KDM3A: variants seen among roughly 807,000 people sequenced by gnomAD.
KDM3A encodes lysine-specific demethylase 3A.
Under a neutral mutation model 158.0 loss-of-function variants are expected in KDM3A, and 60 were observed. The observed-to-expected ratio is 0.38, with a 90% CI of 0.31 to 0.47. The LOEUF (loss-of-function observed/expected upper bound fraction) is 0.47. Ranked by LOEUF, KDM3A falls within the 20% of genes least tolerant of loss-of-function variation. The pLI is 0.99. For synonymous variants in KDM3A, 608 were observed against 549.3 expected, an observed-to-expected ratio of 1.11 and a Z score of -1.49; for missense variants, 1,319 against 1,574.3, an observed-to-expected ratio of 0.84 and a Z score of 2.74.
At chr2:86,456,338 G>A in intron 5 of KDM3A, 104 bp from the exon 6 acceptor site, 1 of 783,576 alleles carries the variant, frequency 1.3e-6, no homozygotes, top group Non-Finnish European at 1.9e-6. Flanking sequence ...GTTTACTTTT[G>A]CGTTTTTTTA....
At chr2:86,479,909 A>G in intron 15 of KDM3A, 1 of 485,514 alleles carries the variant, frequency 2.1e-6, no homozygotes, top group Non-Finnish European at 3.7e-6. Flanking sequence ...TAATAGGGAT[A>G]TGTACCAGCA....
At chr2:86,478,554 G>A (rs750176557) in intron 14 of KDM3A, 54 bp from the exon 15 acceptor site, 12 of 1,593,004 alleles carry the variant, frequency 7.5e-6, no homozygotes, top group Non-Finnish European at 1.0e-5. Flanking sequence ...GTAATGTTGA[G>A]GTTGAAAGTT....
At chr2:86,470,824 A>G (rs1673366868) in intron 11 of KDM3A, among the ~76,000 whole-genome samples, 1 of 152,230 alleles carries the variant, frequency 6.6e-6, no homozygotes, top group Non-Finnish European at 1.5e-5. Context: ...CCTCTTGATC[A>G]TAACCTTTTT....
chr2:86,441,415 C>A lies in KDM3A; in HGVS notation c.-60C>A, dbSNP rs1162353883. 1 of 152,340 alleles carries A rather than the reference C, an allele frequency of 6.6e-6. No homozygotes were observed. Among genetic ancestry groups the A allele is most frequent in the South Asian group, 2.1e-4 (1 of 4,834 alleles). The allele number at this position is 152,340 out of a possible 1,614,324, so 9.4% of individuals were successfully genotyped here. On this transcript the variant is annotated 5_prime_UTR_variant, in exon 1 of 26. Transcript: ENST00000312912. The stretch of plus-strand genomic sequence containing the variant: ...CTAGGCGGCTGGAAACGGCGGCTGC[C>A]GCCGGTGACTCAGGGAGGCGGGAGG...
chr2:86,461,911 G>T (rs1672947241), intron 8 of KDM3A, among the ~76,000 whole-genome samples: 1 of 152,120 alleles, frequency 6.6e-6, no homozygotes, highest in African/African-American at 2.4e-5. Flanking sequence ...GGGGGAGGAG[G>T]AGCAGGAGTG....
intron 18 of KDM3A, 63 bp downstream of exon 18, chr2:86,482,757 C>A: frequency 2.7e-6 from 4 of 1,489,366 alleles, no homozygotes; most frequent in Non-Finnish European, 3.7e-6. Flanking sequence ...CTTTAGCAGA[C>A]TTCTGACAAC....
rs553179654 is a variant in KDM3A at position 86,451,253 on chromosome 2, T to G, written c.453+40T>G. 5.9e-5 allele frequency: 77 copies of G among 1,297,718 alleles called. 2 individuals carry two copies. The South Asian group carries it at 9.2e-4, about 15-fold the overall frequency. The allele number at this position is 1,297,718 out of a possible 1,614,324, so 80.4% of individuals were successfully genotyped here. On this transcript the variant is annotated intron_variant, in intron 4 of 25. Transcript: ENST00000312912. ...CAGTAGTAAACATTAGAAACAGAAA[T>G]ACGAACTCCTTTAACATGAGAAGTA...
chr2:86,491,939 T>G, intron 25 of KDM3A, 100 bp from the exon 26 acceptor site: 1 of 763,092 alleles, frequency 1.3e-6, no homozygotes, highest in South Asian at 1.8e-5. Context: ...AATTTTAAAT[T>G]CTGAGAGAAG....
intron 11 of KDM3A, among the ~76,000 whole-genome samples, chr2:86,473,890 G>A (rs1673528690): frequency 1.3e-5 from 2 of 152,190 alleles, no homozygotes. Flanking sequence ...AGGTTCTGAG[G>A]CCCATTTTAA....
rs749985566 is a variant in KDM3A at position 86,470,158 on chromosome 2, T to G, written c.1520-46T>G. On this transcript the variant is annotated intron_variant, in intron 10 of 25. Transcript: ENST00000312912. ...GAATTCAGTCATATATGAATGTGAT[T>G]TTTAAAAATTTGAGGTCCTGTCTCC... 72 of 1,528,018 alleles carry G rather than the reference T, an allele frequency of 4.7e-5. 2 individuals are homozygous for G. The African/African-American group carries it at 8.9e-4, about 19-fold the overall frequency. 94.7% of individuals were successfully genotyped at this position (1,528,018 alleles called of 1,614,324 possible). A position where few individuals can be genotyped will look rare whatever the true frequency, so the allele number is the denominator to read the frequency against.
chr2:86,456,757 CT>C (rs772028082), intron 6 of KDM3A, 47 bp from the exon 7 acceptor site: 10 of 1,481,736 alleles, frequency 6.7e-6, no homozygotes, highest in Non-Finnish European at 9.4e-6. Flanking sequence ...TCAGTATGTT[CT>C]TGAGCATTTT....
chr2:86,474,815 C>T lies in KDM3A; in HGVS notation c.1764C>T (p.Gly588=), dbSNP rs1282158606. The change falls in exon 12 of 26, where the codon GGC becomes GGT. Residue 588 remains glycine (G), a synonymous_variant. Coordinates refer to ENST00000312912, the MANE Select transcript of KDM3A (RefSeq NM_018433.6). ...FNKHGVLRVE[G]FLTPNKYDNE... is the part of the protein sequence containing the mutation. Reference sequence around the variant, plus strand: ...AACATGGTGTGTTGCGGGTAGAAGGCTTCTTAACACCAAACAAGTATGACA... The same window carrying T: ...AACATGGTGTGTTGCGGGTAGAAGGTTTCTTAACACCAAACAAGTATGACA... 6.3e-7 allele frequency: 1 copy of T among 1,597,328 alleles called. No individual in the cohort carries two copies. Among genetic ancestry groups the T allele is most frequent in the Non-Finnish European group, 8.5e-7 (1 of 1,169,706 alleles).
rs576598368 is a variant in KDM3A at position 86,475,075 on chromosome 2, T to G, written c.1939+85T>G. ...GACACCTAAGTCCTAATTGCTTGGGTTTTTTTTCACCCAGAAGTTTAGATA... is the reference window on the plus strand; with the variant it reads ...GACACCTAAGTCCTAATTGCTTGGGGTTTTTTTCACCCAGAAGTTTAGATA... On this transcript the variant is annotated intron_variant, in intron 12 of 25. Coordinates refer to ENST00000312912, the MANE Select transcript of KDM3A (RefSeq NM_018433.6). 58 of 1,069,688 alleles carry G rather than the reference T, an allele frequency of 5.4e-5. No homozygotes were observed. The East Asian group carries it at 6.5e-4, about 12-fold the overall frequency. The allele number at this position is 1,069,688 out of a possible 1,614,324, so 66.3% of individuals were successfully genotyped here.
At chr2:86,439,661 A>T (rs1005786949), upstream of KDM3A, among the ~76,000 whole-genome samples, 1 of 152,186 alleles carries the variant, frequency 6.6e-6, no homozygotes, top group Middle Eastern at 3.4e-3. Context: ...TATTTCTGAG[A>T]TATTTATGTC....
chr2:86,470,455 T>A (rs748176569), intron 11 of KDM3A, 47 bp downstream of exon 11: 4 of 1,492,764 alleles, frequency 2.7e-6, no homozygotes, highest in Admixed American at 3.4e-5. Context: ...ATACTTGTTA[T>A]GCTAGATCAT....
At chr2:86,449,785 C>T (rs534801844) in intron 2 of KDM3A, 22 bp from the exon 3 acceptor site, 15 of 1,571,682 alleles carry the variant, frequency 9.5e-6, no homozygotes, top group African/African-American at 5.5e-5. Flanking sequence ...GCTTCCCCCA[C>T]CCCCCAATTT....
chr2:86,480,525 G>A (rs1215914715), intron 16 of KDM3A, among the ~76,000 whole-genome samples, 163 bp downstream of exon 16: 2 of 152,208 alleles, frequency 1.3e-5, no homozygotes, highest in African/African-American at 2.4e-5. Context: ...CAGCACCAAA[G>A]AGGAGAAATT....
chr2:86,451,571 A>G (rs1239601834), intron 4 of KDM3A, among the ~76,000 whole-genome samples: 2 of 152,216 alleles, frequency 1.3e-5, no homozygotes. Context: ...CCTTGTCTTC[A>G]TGTTGAGTAG....
chr2:86,469,795 T>C (rs1673321393), intron 10 of KDM3A, among the ~76,000 whole-genome samples: 2 of 152,206 alleles, frequency 1.3e-5, no homozygotes. Context: ...CCAGTCTTTT[T>C]TGAATTTGGA....
Sources: gnomAD v4.1 joint callset for allele counts (sites outside exome capture counted in the v4.1 genomes callset) on GRCh38, gnomAD v4.1.1 for gene constraint, MANE v1.5 for transcripts, NCBI Gene and HGNC (gene_info 2026-07-23, HGNC 2026-07-21) for gene names.